Variants in ATXN7L1 observed in about 807,000 individuals in gnomAD.
ATXN7L1 encodes the protein ataxin 7 like 1, also known as ataxin-7-like protein 1.
In ATXN7L1, 15 loss-of-function variants were observed where a neutral mutation model predicts 70.8. That is an observed-to-expected ratio of 0.21 (90% confidence interval 0.14 to 0.33). ATXN7L1 has a LOEUF of 0.33. Among genes scored for constraint, ATXN7L1 ranks in the 10% least tolerant of loss-of-function variants. The probability of loss-of-function intolerance (pLI) is 1.00; values close to 1 mark genes in which losing one functional copy is unlikely to be tolerated. For missense variants in ATXN7L1, 975 were observed against 1,097.1 expected, an observed-to-expected ratio of 0.89 and a Z score of 1.57; for synonymous variants, 440 against 445.1, an observed-to-expected ratio of 0.99 and a Z score of 0.14.
chr7:105,628,616 C>T (rs905310290), intron 7 of ATXN7L1, among the ~76,000 whole-genome samples: 10 of 151,274 alleles, frequency 6.6e-5, no homozygotes, highest in East Asian at 3.9e-4. Context: ...AGTGAAACCC[C>T]GTCTCTACTA....
At chr7:105,622,926 C>G (rs1431273977) in intron 8 of ATXN7L1, among the ~76,000 whole-genome samples, 1 of 152,170 alleles carries the variant, frequency 6.6e-6, no homozygotes, top group Non-Finnish European at 1.5e-5. Context: ...CAGAGATTGT[C>G]CCTCGGCTCC....
At chr7:105,871,013 A>G (rs1410359404) in intron 2 of ATXN7L1, among the ~76,000 whole-genome samples, 1 of 151,842 alleles carries the variant, frequency 6.6e-6, no homozygotes, top group Non-Finnish European at 1.5e-5. Context: ...GCCACCAAGA[A>G]GTTATAAATT....
intron 4 of ATXN7L1, among the ~76,000 whole-genome samples, chr7:105,657,640 T>C (rs1242286062): frequency 7.7e-6 from 1 of 129,836 alleles, no homozygotes; most frequent in Non-Finnish European, 1.5e-5. Context: ...GAGGCTGCAG[T>C]AAGCTGAGAT....
At chr7:105,876,259 A>T (rs1240527417) in intron 1 of ATXN7L1, 119 bp downstream of exon 1, 5 of 1,250,190 alleles carry the variant, frequency 4.0e-6, no homozygotes, top group Non-Finnish European at 5.5e-6. Context: ...AGAGAGGGAG[A>T]AGCATGGAGG....
chr7:105,730,224 G>A (rs1233771184), intron 3 of ATXN7L1, among the ~76,000 whole-genome samples: 4 of 152,176 alleles, frequency 2.6e-5, no homozygotes, highest in Non-Finnish European at 4.4e-5. Context: ...AAACCATGCT[G>A]AGAGTACATT....
rs770704540 is a variant in ATXN7L1, at chr7:105,614,309, T to C, written c.2025A>G (p.Lys675=). ...AACTGGCATTCAAAACACAGTTCTT[T>C]TTGTGAGGCCCTGACAGTGGAGACG... ...SLSSPLSGPH[K]KNCVLNASSA... Residue 675 remains lysine (K), a synonymous_variant, in exon 10 of 12, where the codon AAA becomes AAG. Coordinates refer to ENST00000419735, the MANE Select transcript of ATXN7L1 (RefSeq NM_020725.2). This position sits in a 1 kb window ranked among gnomAD's most constrained non-coding sequence, Gnocchi z 4.3. 3.2e-6 allele frequency: 5 copies of C among 1,552,134 alleles called. No homozygotes were observed. Among genetic ancestry groups the C allele is most frequent in the Non-Finnish European group, 4.4e-6 (5 of 1,147,068 alleles).
At chr7:105,773,049 A>C (rs189283045) in intron 3 of ATXN7L1, among the ~76,000 whole-genome samples, 2 of 152,168 alleles carry the variant, frequency 1.3e-5, no homozygotes, top group Admixed American at 6.5e-5. Flanking sequence ...TAGTAAGGCC[A>C]CTCCCTCACC....
At chr7:105,846,008 A>G (rs1397739682) in intron 2 of ATXN7L1, among the ~76,000 whole-genome samples, 3 of 152,200 alleles carry the variant, frequency 2.0e-5, no homozygotes, top group Admixed American at 1.3e-4. Flanking sequence ...TAGATATAAC[A>G]CCAAAAGTGT....
intron 3 of ATXN7L1, among the ~76,000 whole-genome samples, chr7:105,699,310 T>C (rs1792143524): frequency 6.6e-6 from 1 of 152,294 alleles, no homozygotes; most frequent in Admixed American, 6.5e-5. Flanking sequence ...TTTTGTATTT[T>C]TAGTAGAGGC....
chr7:105,614,877 G>C lies in ATXN7L1; in HGVS notation c.1518-61C>G. The C allele has an allele frequency of 1.3e-6, 2 of 1,497,352 alleles. No individual in the cohort carries two copies. The highest frequency in any genetic ancestry group is 2.7e-5 in the South Asian group (2 of 75,090). The allele number at this position is 1,497,352 out of a possible 1,614,324, so 92.8% of individuals were successfully genotyped here. On this transcript the variant is annotated intron_variant, in intron 9 of 11. Transcript: ENST00000419735. The surrounding 1 kb of genome is among the most constrained non-coding windows in gnomAD (Gnocchi z 4.3). ...GACATCGGGTTGGCATTGCTCAGGAGGCTCGATGACGTTTGAGGATCAGGG... is the reference window on the plus strand; with the variant it reads ...GACATCGGGTTGGCATTGCTCAGGACGCTCGATGACGTTTGAGGATCAGGG...
intron 3 of ATXN7L1, among the ~76,000 whole-genome samples, chr7:105,699,266 G>C (rs1287637937): frequency 6.6e-6 from 1 of 152,078 alleles, no homozygotes; most frequent in Non-Finnish European, 1.5e-5. Flanking sequence ...CCAACTAGCT[G>C]GGATTACAGG....
intron 3 of ATXN7L1, among the ~76,000 whole-genome samples, chr7:105,732,472 A>G (rs1394184974): frequency 6.6e-6 from 1 of 152,104 alleles, no homozygotes; most frequent in Non-Finnish European, 1.5e-5. Context: ...TTCCCTTGGG[A>G]GAAGTTTTAG....
At chr7:105,763,382 C>T (rs117983524) in intron 3 of ATXN7L1, among the ~76,000 whole-genome samples, 3 of 152,172 alleles carry the variant, frequency 2.0e-5, no homozygotes, top group Non-Finnish European at 4.4e-5. Context: ...TCCCCAGGAC[C>T]TGGGTTTGCA....
intron 11 of ATXN7L1, among the ~76,000 whole-genome samples, chr7:105,609,012 G>C (rs1792923577): frequency 6.6e-6 from 1 of 151,992 alleles, no homozygotes; most frequent in Non-Finnish European, 1.5e-5. Context: ...ATTTATCACA[G>C]GTGTACACAC....
rs1038202112 is a variant in ATXN7L1 at position 105,636,343 on chromosome 7, C to T, written c.1202+2010G>A. Among the ~76,000 whole-genome samples the T allele has an allele frequency of 4.0e-5, 6 of 149,932 alleles. No individual in the cohort carries two copies. The South Asian group carries it at 6.4e-4, about 16-fold the overall frequency. ...CCGGGAGGCGGAGGTTGCAGTGAGC[C>T]GAGATCGCGCCATTGCACTCCAGCC... On this transcript the variant is annotated intron_variant, in intron 7 of 11. Transcript: ENST00000419735.
chr7:105,716,713 ACACACACAG>A, intron 3 of ATXN7L1, among the ~76,000 whole-genome samples: 1 of 111,794 alleles, frequency 8.9e-6, no homozygotes, highest in Non-Finnish European at 1.8e-5. Context: ...ACACACACAC[ACACACACAG>A]TACAAAAATT....
intron 2 of ATXN7L1, among the ~76,000 whole-genome samples, chr7:105,829,263 A>T (rs1811271911): frequency 7.0e-6 from 1 of 143,616 alleles, no homozygotes; most frequent in Admixed American, 7.3e-5. Flanking sequence ...CTCTACTAAA[A>T]ATACAAACAA....
At chr7:105,637,824 A>G (rs1394826910) in intron 7 of ATXN7L1, among the ~76,000 whole-genome samples, 2 of 152,170 alleles carry the variant, frequency 1.3e-5, no homozygotes, top group African/African-American at 2.4e-5. Context: ...TGCTATGCCA[A>G]TTTCCCCTTT....
chr7:105,680,177 C>T (rs375714540), intron 3 of ATXN7L1, among the ~76,000 whole-genome samples: 6 of 152,232 alleles, frequency 3.9e-5, no homozygotes, highest in African/African-American at 1.2e-4. Context: ...AGACAGCACT[C>T]CCTCACGTCA....
Sources: allele counts gnomAD v4.1 joint callset (sites outside exome capture counted in the v4.1 genomes callset), GRCh38; gene constraint gnomAD v4.1.1; non-coding constraint Gnocchi (gnomAD v3.1); transcripts MANE v1.5; gene names NCBI Gene and HGNC (gene_info 2026-07-23, HGNC 2026-07-21).